NTN1: variants seen among roughly 807,000 people sequenced by gnomAD.
NTN1 encodes the protein netrin 1, also known as netrin-1.
In NTN1, 11 loss-of-function variants were observed where a neutral mutation model predicts 54.2. The observed-to-expected ratio is 0.20, with a 90% CI of 0.13 to 0.34. NTN1 has a LOEUF of 0.34. Ranked by LOEUF, NTN1 falls within the 10% of genes least tolerant of loss-of-function variation. The pLI, the probability that NTN1 is intolerant of heterozygous loss-of-function variation, is 1.00. For synonymous variants in NTN1, 371 were observed against 382.0 expected (o/e 0.97, Z 0.33); for missense variants, 740 against 893.1 (o/e 0.83, Z 2.18).
chr17:9,172,396 C>T (rs889561328), intron 3 of NTN1, among the ~76,000 whole-genome samples: 10 of 152,056 alleles, frequency 6.6e-5, no homozygotes, highest in African/African-American at 1.9e-4. Context: ...AGGAGAATGG[C>T]GTGACCCGGG....
Position 9,067,266 on chromosome 17 carries a change from CA to C in NTN1, c.1018+43890del, listed in dbSNP as rs34250366. On this transcript the variant is annotated intron_variant, in intron 2 of 6. Coordinates refer to ENST00000173229, the MANE Select transcript of NTN1 (RefSeq NM_004822.3). The stretch of plus-strand genomic sequence containing the variant: ...TGGGCGACAGAGCAAGACCCTGTCT[CA>C]AAAAAAAAAAAAAATGGCATGTTGT... Among the ~76,000 whole-genome samples, 1,183 of 141,480 alleles carry C rather than the reference CA, an allele frequency of 8.4e-3. 23 individuals are homozygous for C. The highest frequency in any genetic ancestry group is 0.026 in the African/African-American group (1,011 of 38,200). The allele number at this position is 141,480 out of a possible 152,430, so 92.8% of individuals were successfully genotyped here.
intron 6 of NTN1, among the ~76,000 whole-genome samples, chr17:9,228,390 G>C (rs1187375483): frequency 1.5e-4 from 23 of 152,296 alleles, no homozygotes. Flanking sequence ...AGGCTGGAGA[G>C]AGGCTGGTGT....
chr17:9,047,073 C>T (rs2091943546), intron 2 of NTN1, among the ~76,000 whole-genome samples: 1 of 152,180 alleles, frequency 6.6e-6, no homozygotes, highest in South Asian at 2.1e-4. Context: ...TTTTAAAATA[C>T]TTTATTGCTA....
At chr17:9,204,909 A>G (rs1904927943) in intron 5 of NTN1, among the ~76,000 whole-genome samples, 1 of 147,682 alleles carries the variant, frequency 6.8e-6, no homozygotes, top group Non-Finnish European at 1.5e-5. Flanking sequence ...CTTGCTTTCC[A>G]TCAGTGCTGT....
At chr17:9,202,584 G>A (rs1436580497) in intron 5 of NTN1, among the ~76,000 whole-genome samples, 1 of 152,142 alleles carries the variant, frequency 6.6e-6, no homozygotes. Flanking sequence ...CTACCATGGT[G>A]TGACATTGTT....
At chr17:9,052,215 C>T (rs539472083) in intron 2 of NTN1, among the ~76,000 whole-genome samples, 1 of 152,294 alleles carries the variant, frequency 6.6e-6, no homozygotes, top group South Asian at 2.1e-4. Flanking sequence ...AGGTGATCTG[C>T]CTGCCCCGGC....
At chr17:9,179,742 G>A (rs1160107442) in intron 3 of NTN1, 65 bp from the exon 4 acceptor site, 25 of 1,552,554 alleles carry the variant, frequency 1.6e-5, no homozygotes, top group Non-Finnish European at 1.7e-6. Flanking sequence ...GGGTAGGGAA[G>A]GCTCTGCGGG....
intron 2 of NTN1, among the ~76,000 whole-genome samples, chr17:9,096,008 G>A (rs1254191779): frequency 6.6e-6 from 1 of 152,014 alleles, no homozygotes; most frequent in African/African-American, 2.4e-5. Flanking sequence ...TGTTGGCCAC[G>A]CTGGTCTTGA....
chr17:9,167,333 A>G (rs1192923729), intron 3 of NTN1, among the ~76,000 whole-genome samples: 1 of 152,218 alleles, frequency 6.6e-6, no homozygotes, highest in Non-Finnish European at 1.5e-5. Flanking sequence ...AAAGACGACC[A>G]AAGACGACGT....
intron 2 of NTN1, among the ~76,000 whole-genome samples, chr17:9,062,885 A>T (rs559465488): frequency 2.8e-4 from 43 of 152,294 alleles, no homozygotes; most frequent in Middle Eastern, 6.8e-3. Context: ...AAGTAAAAAA[A>T]AATAATAATA....
At chr17:9,225,804 AAC>A (rs767986262) in intron 6 of NTN1, among the ~76,000 whole-genome samples, 16 of 152,174 alleles carry the variant, frequency 1.1e-4, no homozygotes, top group Non-Finnish European at 1.9e-4. Context: ...CCAATTAGGA[AAC>A]ACATTTCCTT....
At chr17:9,192,405 A>C (rs994289926) in intron 5 of NTN1, among the ~76,000 whole-genome samples, 1 of 152,208 alleles carries the variant, frequency 6.6e-6, no homozygotes, top group Non-Finnish European at 1.5e-5. Flanking sequence ...ACACCTGAAG[A>C]ATTAGCCATA....
At chr17:9,112,312 C>T (rs1379420864) in intron 2 of NTN1, among the ~76,000 whole-genome samples, 1 of 152,176 alleles carries the variant, frequency 6.6e-6, no homozygotes, top group African/African-American at 2.4e-5. Flanking sequence ...CAATACTATT[C>T]CTTTCCTTCA....
intron 2 of NTN1, among the ~76,000 whole-genome samples, chr17:9,071,288 C>T (rs753534910): frequency 6.6e-6 from 1 of 152,060 alleles, no homozygotes; most frequent in Non-Finnish European, 1.5e-5. Flanking sequence ...CCATGTTTCT[C>T]AAGCATTTAA....
rs113349128 is a variant in NTN1 at position 9,101,729 on chromosome 17, T to C, written c.1019-61084T>C. Among the ~76,000 whole-genome samples, 1,178 of 152,296 alleles carry C rather than the reference T, an allele frequency of 7.7e-3. 18 individuals carry two copies. Among genetic ancestry groups the C allele is most frequent in the African/African-American group, 0.026 (1,097 of 41,556 alleles). ...CTAAAACATAAGGGGTGGCCCAGTGTGGTGGCTCACACCAGCACTTTGGGA... is the reference window on the plus strand; with the variant it reads ...CTAAAACATAAGGGGTGGCCCAGTGCGGTGGCTCACACCAGCACTTTGGGA... On this transcript the variant is annotated intron_variant, in intron 2 of 6. Coordinates refer to ENST00000173229, the MANE Select transcript of NTN1 (RefSeq NM_004822.3).
At chr17:9,080,594 T>C (rs1253663092) in intron 2 of NTN1, among the ~76,000 whole-genome samples, 1 of 152,224 alleles carries the variant, frequency 6.6e-6, no homozygotes, top group Non-Finnish European at 1.5e-5. Context: ...TGCTAAGGAT[T>C]GGTTGGTGGC....
At chr17:9,183,307 G>A (rs2092424417) in intron 5 of NTN1, 1 of 562,130 alleles carries the variant, frequency 1.8e-6, no homozygotes, top group Non-Finnish European at 3.5e-6. Flanking sequence ...TGGGGCTGCA[G>A]AGAAGGAAGG....
At chr17:9,126,181 T>C (rs2142265742) in intron 2 of NTN1, among the ~76,000 whole-genome samples, 1 of 152,356 alleles carries the variant, frequency 6.6e-6, no homozygotes, top group Non-Finnish European at 1.5e-5. Context: ...GACCCAGACC[T>C]ACCTCATTAT....
chr17:9,218,003 A>T (rs1385815998), intron 5 of NTN1, among the ~76,000 whole-genome samples: 1 of 152,186 alleles, frequency 6.6e-6, no homozygotes, highest in Admixed American at 6.5e-5. Flanking sequence ...TTCCTCTGCC[A>T]CACTGGGTGC....
Sources: allele counts gnomAD v4.1 joint callset (sites outside exome capture counted in the v4.1 genomes callset), GRCh38; gene constraint gnomAD v4.1.1; transcripts MANE v1.5; gene names NCBI Gene and HGNC (gene_info 2026-07-23, HGNC 2026-07-21).